Variants in SLC39A11 observed in about 807,000 individuals in gnomAD.
The protein encoded by SLC39A11 is zinc transporter ZIP11.
SLC39A11 carries 33 observed loss-of-function variants against 36.1 expected under a neutral mutation model. That is an observed-to-expected ratio of 0.91 (90% confidence interval 0.69 to 1.22). The LOEUF (loss-of-function observed/expected upper bound fraction) is 1.22. Ranked by LOEUF, SLC39A11 falls within the 50% of genes most tolerant of loss-of-function variation. The pLI, the probability that SLC39A11 is intolerant of heterozygous loss-of-function variation, is 0.00. For synonymous variants in SLC39A11, 166 were observed against 170.3 expected, an observed-to-expected ratio of 0.97 and a Z score of 0.20; for missense variants, 432 against 430.3, an observed-to-expected ratio of 1.00 and a Z score of -0.03.
intron 4 of SLC39A11, among the ~76,000 whole-genome samples, chr17:72,956,583 G>A (rs1260394465): frequency 6.6e-6 from 1 of 152,202 alleles, no homozygotes; most frequent in East Asian, 1.9e-4. Flanking sequence ...GAAGTATAAT[G>A]AAGTATTTCT....
At chr17:72,830,514 C>G (rs776843707) in intron 6 of SLC39A11, among the ~76,000 whole-genome samples, 55 of 152,164 alleles carry the variant, frequency 3.6e-4, no homozygotes, top group Admixed American at 3.9e-4. Flanking sequence ...CTTTACTCTT[C>G]TGTCCAGCAA....
intron 7 of SLC39A11, among the ~76,000 whole-genome samples, chr17:72,675,461 T>C (rs1031438062): frequency 5.9e-5 from 9 of 152,216 alleles, no homozygotes; most frequent in Non-Finnish European, 1.0e-4. Flanking sequence ...GGCATTTTGT[T>C]TTGGTAGCCC....
chr17:73,088,154 C>T lies in SLC39A11; in HGVS notation c.108+503G>A, dbSNP rs376983753. 2.6e-5 allele frequency among the ~76,000 whole-genome samples: 4 copies of T among 152,078 alleles called. No individual in the cohort carries two copies. In the East Asian group the frequency reaches 5.8e-4, roughly 22 times the overall value. On this transcript the variant is annotated intron_variant, in intron 2 of 9. Coordinates refer to ENST00000255559, the MANE Select transcript of SLC39A11 (RefSeq NM_139177.4). Reference sequence around the variant, plus strand: ...ACTAAAAATACAAAAATTAGCCAGGCGTGGTGGCACATGCCTGTAATCCCA... The same window carrying T: ...ACTAAAAATACAAAAATTAGCCAGGTGTGGTGGCACATGCCTGTAATCCCA...
chr17:72,979,886 C>T (rs1482824184), intron 4 of SLC39A11, among the ~76,000 whole-genome samples: 2 of 152,056 alleles, frequency 1.3e-5, no homozygotes, highest in Non-Finnish European at 2.9e-5. Flanking sequence ...GCGGCAAGCA[C>T]CCCTCCCATG....
chr17:72,749,615 G>T (rs778010047), intron 6 of SLC39A11, among the ~76,000 whole-genome samples: 10 of 152,144 alleles, frequency 6.6e-5, no homozygotes, highest in Non-Finnish European at 1.5e-4. Flanking sequence ...GTGGGCCCTG[G>T]GCAGCAGAGG....
intron 4 of SLC39A11, among the ~76,000 whole-genome samples, chr17:72,997,356 C>T (rs572587890): frequency 1.3e-5 from 2 of 152,142 alleles, no homozygotes; most frequent in African/African-American, 2.4e-5. Context: ...CAGGTTCAAG[C>T]GATTCTCCTG....
At chr17:72,878,715 TACTTCTATG>T (rs2081043307) in intron 5 of SLC39A11, among the ~76,000 whole-genome samples, 1 of 152,242 alleles carries the variant, frequency 6.6e-6, no homozygotes, top group Non-Finnish European at 1.5e-5. Context: ...CAACACAGAA[TACTTCTATG>T]ACCTCTGGTC....
intron 3 of SLC39A11, among the ~76,000 whole-genome samples, chr17:73,074,680 A>C (rs1399647444): frequency 1.3e-5 from 2 of 152,130 alleles, no homozygotes; most frequent in African/African-American, 4.8e-5. Context: ...CTCCAGACTC[A>C]AGCCATCACT....
At chr17:72,990,266 C>G (rs1482565493) in intron 4 of SLC39A11, among the ~76,000 whole-genome samples, 1 of 152,124 alleles carries the variant, frequency 6.6e-6, no homozygotes, top group Non-Finnish European at 1.5e-5. Flanking sequence ...CGGGTTCAGA[C>G]AGCTTGATCC....
At chr17:72,675,634 C>G (rs2071223097) in intron 7 of SLC39A11, among the ~76,000 whole-genome samples, 1 of 152,192 alleles carries the variant, frequency 6.6e-6, no homozygotes, top group Non-Finnish European at 1.5e-5. Context: ...ACTTGGGTCT[C>G]TAGTCGTTGC....
At chr17:72,868,908 A>T (rs1205112756) in intron 5 of SLC39A11, among the ~76,000 whole-genome samples, 1 of 152,154 alleles carries the variant, frequency 6.6e-6, no homozygotes, top group Admixed American at 6.5e-5. Flanking sequence ...TAAAGATGGC[A>T]CCCAACATTT....
At chr17:72,830,148 T>C (rs147516431) in intron 6 of SLC39A11, among the ~76,000 whole-genome samples, 2 of 152,276 alleles carry the variant, frequency 1.3e-5, no homozygotes, top group East Asian at 1.9e-4. Flanking sequence ...GCTTCCAGCA[T>C]CAGGAGCTAA....
chr17:72,807,122 C>G (rs2077281045), intron 6 of SLC39A11, among the ~76,000 whole-genome samples: 1 of 152,120 alleles, frequency 6.6e-6, no homozygotes. Flanking sequence ...TCTAATTGTG[C>G]CTTTTCATTA....
chr17:72,861,940 T>G (rs1465688422), intron 5 of SLC39A11, among the ~76,000 whole-genome samples: 1 of 151,130 alleles, frequency 6.6e-6, no homozygotes, highest in African/African-American at 2.4e-5. Flanking sequence ...AGCACCACTC[T>G]GTGGTCCATG....
chr17:72,950,883 T>C (rs1304902343), intron 4 of SLC39A11, among the ~76,000 whole-genome samples: 1 of 152,100 alleles, frequency 6.6e-6, no homozygotes, highest in East Asian at 1.9e-4. Context: ...ACTGGGGGGC[T>C]GAGCATGCTG....
At chr17:72,729,439 ATATATATATATATATATATTT>A (rs1224216390) in intron 7 of SLC39A11, among the ~76,000 whole-genome samples, 34 of 2,174 alleles carry the variant, frequency 0.016, 4 homozygotes, top group Admixed American at 0.066. Flanking sequence ...ATATATATAT[ATATATATATATATATATATTT>A]TTTTTTTTTT....
chr17:72,743,796 G>A (rs930347314), intron 6 of SLC39A11, among the ~76,000 whole-genome samples: 1 of 152,236 alleles, frequency 6.6e-6, no homozygotes, highest in African/African-American at 2.4e-5. Flanking sequence ...CATGCCCCCA[G>A]TGTCCCACCT....
At chr17:72,900,955 T>C (rs72847966) in intron 5 of SLC39A11, among the ~76,000 whole-genome samples, 14,834 of 140,838 alleles carry the variant, frequency 0.11, 1,109 homozygotes, top group African/African-American at 0.23. Flanking sequence ...CTGTGCCTAT[T>C]AGAGGGAAAC....
At chr17:72,955,100 A>G (rs960797643) in intron 4 of SLC39A11, among the ~76,000 whole-genome samples, 1 of 152,146 alleles carries the variant, frequency 6.6e-6, no homozygotes, top group African/African-American at 2.4e-5. Context: ...TAATAATGCT[A>G]TATCCAATCA....
Sources: gnomAD v4.1 joint callset for allele counts (sites outside exome capture counted in the v4.1 genomes callset) on GRCh38, gnomAD v4.1.1 for gene constraint, MANE v1.5 for transcripts, NCBI Gene and HGNC (gene_info 2026-07-23, HGNC 2026-07-21) for gene names.